FHIT: variants seen among roughly 807,000 people sequenced by gnomAD.
FHIT encodes the protein bis(5'-adenosyl)-triphosphatase.
FHIT carries 19 observed loss-of-function variants against 17.9 expected under a neutral mutation model. The observed-to-expected ratio is 1.06, with a 90% CI of 0.74 to 1.56. The LOEUF (loss-of-function observed/expected upper bound fraction) is 1.56. Ranked by LOEUF, FHIT falls within the 40% of genes most tolerant of loss-of-function variation. The pLI, the probability that FHIT is intolerant of heterozygous loss-of-function variation, is 0.00. For missense variants in FHIT, 248 were observed against 189.2 expected (o/e 1.31, Z -1.82); for synonymous variants, 81 against 69.7 (o/e 1.16, Z -0.81).
intron 8 of FHIT, among the ~76,000 whole-genome samples, chr3:59,910,850 C>A (rs1435868503): frequency 6.6e-6 from 1 of 151,818 alleles, no homozygotes; most frequent in African/African-American, 2.4e-5. Context: ...GAAAGCACAG[C>A]TTAGTTTTTG....
chr3:60,781,300 AACTATGCTAT>A (rs1700381033), intron 4 of FHIT, among the ~76,000 whole-genome samples: 1 of 152,176 alleles, frequency 6.6e-6, no homozygotes, highest in Non-Finnish European at 1.5e-5. Flanking sequence ...ATATGCCAAA[AACTATGCTAT>A]ACTGGGAACC....
intron 5 of FHIT, among the ~76,000 whole-genome samples, chr3:60,396,870 T>G (rs148418047): frequency 1.5e-3 from 235 of 152,294 alleles, no homozygotes; most frequent in Middle Eastern, 6.8e-3. Flanking sequence ...AAGAATTTTT[T>G]TTTGCTTTTT....
At chr3:61,202,067 T>TACACACACACACAC (rs143994045) in intron 1 of FHIT, among the ~76,000 whole-genome samples, 4,455 of 148,660 alleles carry the variant, frequency 0.03, 83 homozygotes, top group African/African-American at 0.039. Context: ...CGCACATAGA[T>TACACACACACACAC]ACACACACAC....
chr3:60,365,974 C>T (rs1449693177), intron 5 of FHIT, among the ~76,000 whole-genome samples: 1 of 152,134 alleles, frequency 6.6e-6, no homozygotes, highest in East Asian at 1.9e-4. Context: ...AATCATTTTG[C>T]CTTCATTGAA....
intron 8 of FHIT, among the ~76,000 whole-genome samples, chr3:59,910,328 G>C (rs1032974611): frequency 6.6e-6 from 1 of 152,176 alleles, no homozygotes. Flanking sequence ...CTCTCCAAAG[G>C]AGGCAATCAG....
At chr3:60,433,099 A>G (rs1169182458) in intron 5 of FHIT, among the ~76,000 whole-genome samples, 3 of 151,998 alleles carry the variant, frequency 2.0e-5, no homozygotes, top group East Asian at 1.9e-4. Flanking sequence ...TGCCCCCATC[A>G]CTATCCCCTG....
chr3:61,233,602 G>A (rs764079005), intron 1 of FHIT, among the ~76,000 whole-genome samples: 7 of 152,154 alleles, frequency 4.6e-5, no homozygotes, highest in Non-Finnish European at 8.8e-5. Flanking sequence ...AACTAGACTA[G>A]AAGGATAGAC....
intron 5 of FHIT, among the ~76,000 whole-genome samples, chr3:60,367,368 A>G (rs1301589037): frequency 6.6e-6 from 1 of 152,200 alleles, no homozygotes; most frequent in Non-Finnish European, 1.5e-5. Context: ...AAAAGAATTC[A>G]AAGATTATTA....
intron 3 of FHIT, among the ~76,000 whole-genome samples, chr3:60,877,265 T>C (rs1324902194): frequency 1.3e-5 from 2 of 152,206 alleles, no homozygotes; most frequent in Non-Finnish European, 2.9e-5. Flanking sequence ...AAGGCTAAGC[T>C]GCCTCCAAAC....
intron 3 of FHIT, among the ~76,000 whole-genome samples, chr3:60,829,559 G>T (rs781911858): frequency 3.3e-5 from 5 of 152,088 alleles, no homozygotes; most frequent in African/African-American, 1.2e-4. Context: ...TAGAAGAGGA[G>T]AAAAAAGTAA....
intron 3 of FHIT, among the ~76,000 whole-genome samples, chr3:60,990,989 C>A (rs1473272688): frequency 6.6e-6 from 1 of 152,098 alleles, no homozygotes; most frequent in African/African-American, 2.4e-5. Flanking sequence ...GGAAAACAGA[C>A]AATTATTAAT....
chr3:60,114,488 CCTTTTTTTTTT>C (rs1704860051), intron 5 of FHIT, among the ~76,000 whole-genome samples: 2 of 59,480 alleles, frequency 3.4e-5, no homozygotes, highest in Non-Finnish European at 2.9e-5. Flanking sequence ...CAAGAGAAAT[CCTTTTTTTTTT>C]TTTTTTTTTT....
At chr3:60,634,797 T>G (rs1365995847) in intron 4 of FHIT, among the ~76,000 whole-genome samples, 1 of 152,250 alleles carries the variant, frequency 6.6e-6, no homozygotes, top group African/African-American at 2.4e-5. Context: ...AAATATTGGC[T>G]TAGACATGCA....
intron 8 of FHIT, among the ~76,000 whole-genome samples, chr3:59,758,026 T>C (rs1232624554): frequency 6.6e-6 from 1 of 152,192 alleles, no homozygotes; most frequent in African/African-American, 2.4e-5. Flanking sequence ...GCATAGATAA[T>C]TTAATACTGG....
intron 2 of FHIT, among the ~76,000 whole-genome samples, chr3:61,139,254 C>A (rs1482023210): frequency 6.6e-6 from 1 of 152,138 alleles, no homozygotes; most frequent in African/African-American, 2.4e-5. Flanking sequence ...TGGTCTCCAT[C>A]TCCTGACCTC....
chr3:60,683,278 T>C (rs1348164962), intron 4 of FHIT, among the ~76,000 whole-genome samples: 1 of 152,202 alleles, frequency 6.6e-6, no homozygotes, highest in Admixed American at 6.5e-5. Context: ...GGTAAAATGC[T>C]GGCAAACAGT....
At chr3:60,083,967 A>G (rs1244919038) in intron 5 of FHIT, among the ~76,000 whole-genome samples, 1 of 152,226 alleles carries the variant, frequency 6.6e-6, no homozygotes, top group Non-Finnish European at 1.5e-5. Flanking sequence ...ACCCTTTGGT[A>G]TTCTCTTCTG....
intron 4 of FHIT, among the ~76,000 whole-genome samples, chr3:60,621,336 G>A (rs1216227393): frequency 3.3e-5 from 5 of 151,648 alleles, no homozygotes; most frequent in African/African-American, 1.2e-4. Flanking sequence ...TTTTAGTAGA[G>A]ACAGGGTTTA....
intron 3 of FHIT, among the ~76,000 whole-genome samples, chr3:61,037,841 C>T (rs1006163185): frequency 6.6e-6 from 1 of 152,192 alleles, no homozygotes; most frequent in Non-Finnish European, 1.5e-5. Flanking sequence ...GAGACAAATA[C>T]ATTTCTATTC....
Sources: allele counts gnomAD v4.1 joint callset (sites outside exome capture counted in the v4.1 genomes callset), GRCh38; gene constraint gnomAD v4.1.1; transcripts MANE v1.5; gene names NCBI Gene and HGNC (gene_info 2026-07-23, HGNC 2026-07-21).